Variants in SV2B observed in about 807,000 individuals in gnomAD.
SV2B encodes the protein synaptic vesicle glycoprotein 2B, also known as solute carrier family 22 member B2.
Under a neutral mutation model 73.9 loss-of-function variants are expected in SV2B, and 41 were observed. The observed-to-expected ratio is 0.56, with a 90% CI of 0.43 to 0.72. The LOEUF (loss-of-function observed/expected upper bound fraction) is 0.72. Ranked by LOEUF, SV2B falls within the 30% of genes least tolerant of loss-of-function variation. SV2B has a pLI of 0.00. For missense variants in SV2B, 764 were observed against 857.8 expected, an observed-to-expected ratio of 0.89 and a Z score of 1.37; for synonymous variants, 314 against 314.2, an observed-to-expected ratio of 1.00 and a Z score of 0.01.
intron 1 of SV2B, among the ~76,000 whole-genome samples, chr15:91,152,174 C>T (rs1464541094): frequency 6.6e-6 from 1 of 151,340 alleles, no homozygotes; most frequent in Non-Finnish European, 1.5e-5. Flanking sequence ...GCGGGTTGCC[C>T]AGTTTTTACT....
chr15:91,171,465 C>T (rs1023543005), intron 1 of SV2B, among the ~76,000 whole-genome samples: 2 of 152,142 alleles, frequency 1.3e-5, no homozygotes, highest in South Asian at 2.1e-4. Flanking sequence ...TCTGCTGCTG[C>T]GGTGGCTCTG....
At position 91,260,348 on chromosome 15, in the gene SV2B, T is replaced by C. The variant is rs2047863651; in HGVS notation, c.947T>C (p.Ile316Thr). 6.2e-7 allele frequency: 1 copy of C among 1,613,538 alleles called. No homozygotes were observed. The highest frequency in any genetic ancestry group is 2.2e-5 in the East Asian group (1 of 44,858). ...GGCAAACATGATGAAGCCTGGATGATTCTCAAGCAAGTCCATGACACCAAC... is the reference window on the plus strand; with the variant it reads ...GGCAAACATGATGAAGCCTGGATGACTCTCAAGCAAGTCCATGACACCAAC... ...EMGKHDEAWM[I>T]LKQVHDTNMR... is the part of the protein sequence containing the mutation. The change falls in exon 6 of 13, where the codon ATT becomes ACT. Residue 316 changes from isoleucine to threonine, a missense_variant. Physicochemically the swap from Ile to Thr is moderately conservative, Grantham distance 89. Transcript: ENST00000394232.
chr15:91,233,467 T>C (rs1182792939), intron 2 of SV2B, among the ~76,000 whole-genome samples: 1 of 152,194 alleles, frequency 6.6e-6, no homozygotes, highest in Non-Finnish European at 1.5e-5. Flanking sequence ...TCTCCTGAGA[T>C]TGCTGAAAAC....
intron 6 of SV2B, 82 bp downstream of exon 6, chr15:91,260,491 AAC>A: frequency 8.2e-6 from 9 of 1,104,044 alleles, no homozygotes; most frequent in Non-Finnish European, 1.2e-5. Context: ...TTAAGCACAT[AAC>A]AGGAAATTTG....
chr15:91,212,260 C>G (rs1596595022), intron 1 of SV2B, among the ~76,000 whole-genome samples: 1 of 152,322 alleles, frequency 6.6e-6, no homozygotes, highest in East Asian at 1.9e-4. Context: ...AAAACTTGCT[C>G]TCTTTCTTCC....
rs572887421 is a variant in SV2B at position 91,136,267 on chromosome 15, A to G, written c.-392+35904A>G. ...TACTCAGATGCAGTGTAGCATAGGTATAAACCTCAGATTAGTCGGGAGAGA... is the reference window on the plus strand; with the variant it reads ...TACTCAGATGCAGTGTAGCATAGGTGTAAACCTCAGATTAGTCGGGAGAGA... On this transcript the variant is annotated intron_variant, in intron 1 of 12. Transcript: ENST00000394232. The surrounding 1 kb of genome is among the most constrained non-coding windows in gnomAD (Gnocchi z 5.6). Among the ~76,000 whole-genome samples, 5 of 152,342 alleles carry G rather than the reference A, an allele frequency of 3.3e-5. No individual in the cohort carries two copies. In the South Asian group the frequency reaches 8.3e-4, roughly 25 times the overall value.
intron 1 of SV2B, among the ~76,000 whole-genome samples, chr15:91,109,027 G>A (rs1302231818): frequency 6.6e-6 from 1 of 152,154 alleles, no homozygotes; most frequent in African/African-American, 2.4e-5. Flanking sequence ...TTCACAAAAG[G>A]CAATTGAAAA....
chr15:91,104,404 T>C (rs1459804443), intron 1 of SV2B, among the ~76,000 whole-genome samples: 1 of 152,232 alleles, frequency 6.6e-6, no homozygotes, highest in Non-Finnish European at 1.5e-5. Flanking sequence ...TAAAAGCTTG[T>C]ATGGCCTCTT....
intron 5 of SV2B, among the ~76,000 whole-genome samples, chr15:91,259,973 T>A (rs965634795): frequency 8.5e-5 from 13 of 152,198 alleles, no homozygotes; most frequent in African/African-American, 3.1e-4. Flanking sequence ...ACCTGTAACA[T>A]GTTGCTTCTT....
At position 91,231,780 on chromosome 15, in the gene SV2B, A is replaced by C. The variant is rs2046584228; in HGVS notation, c.451+5066A>C. Among the ~76,000 whole-genome samples the C allele has an allele frequency of 6.6e-6, 1 of 152,082 alleles. No homozygotes were observed. The highest frequency in any genetic ancestry group is 2.1e-4 in the South Asian group (1 of 4,824). The stretch of plus-strand genomic sequence containing the variant: ...AAGGATCCAGTGACTTGTGTATTTT[A>C]TTGGCTGTTAGTTTCTTGCCGTCTG... On this transcript the variant is annotated intron_variant, in intron 2 of 12. Coordinates refer to ENST00000394232, the MANE Select transcript of SV2B (RefSeq NM_001323032.3). This position sits in a 1 kb window ranked among gnomAD's most constrained non-coding sequence, Gnocchi z 4.5.
Position 91,141,781 on chromosome 15 carries a change from A to G in SV2B, c.-392+41418A>G, listed in dbSNP as rs1596469077. 6.6e-6 allele frequency among the ~76,000 whole-genome samples: 1 copy of G among 151,312 alleles called. No individual in the cohort carries two copies. The highest frequency in any genetic ancestry group is 1.9e-4 in the East Asian group (1 of 5,168). ...TGGACAGAGGTCACATTTTGGCAAC[A>G]TCTTTTTCTGCTAATGGATATTACA... On this transcript the variant is annotated intron_variant, in intron 1 of 12. Transcript: ENST00000394232. The surrounding 1 kb of genome is among the most constrained non-coding windows in gnomAD (Gnocchi z 4.6).
At chr15:91,146,240 C>G (rs1335781085) in intron 1 of SV2B, among the ~76,000 whole-genome samples, 1 of 152,144 alleles carries the variant, frequency 6.6e-6, no homozygotes, top group African/African-American at 2.4e-5. Context: ...TGAATCCATT[C>G]CGCATTGCTT....
chr15:91,246,065 CAAAAA>C (rs5814471), intron 2 of SV2B, among the ~76,000 whole-genome samples: 1 of 127,706 alleles, frequency 7.8e-6, no homozygotes. Flanking sequence ...TATGAGTTAG[CAAAAA>C]AAAAAAAAAA....
intron 4 of SV2B, among the ~76,000 whole-genome samples, chr15:91,255,896 C>T (rs541717693): frequency 3.0e-4 from 46 of 152,276 alleles, no homozygotes; most frequent in Non-Finnish European, 6.2e-4. Flanking sequence ...GTGCCTAATG[C>T]ATTAATCTTC....
chr15:91,199,411 G>T (rs1413651481), intron 1 of SV2B, among the ~76,000 whole-genome samples: 1 of 152,194 alleles, frequency 6.6e-6, no homozygotes. Flanking sequence ...TGATAATGGG[G>T]GGACAGGTGG....
intron 1 of SV2B, among the ~76,000 whole-genome samples, chr15:91,194,725 G>C (rs974284443): frequency 1.3e-5 from 2 of 152,224 alleles, no homozygotes; most frequent in Non-Finnish European, 2.9e-5. Flanking sequence ...AACGGAGGTT[G>C]CATCTTTGGG....
chr15:91,243,474 C>G (rs2047103787), intron 2 of SV2B, among the ~76,000 whole-genome samples: 7 of 152,096 alleles, frequency 4.6e-5, no homozygotes, highest in Admixed American at 4.6e-4. Flanking sequence ...GACAGATACC[C>G]CTCTGCCCCA....
intron 11 of SV2B, among the ~76,000 whole-genome samples, chr15:91,285,185 C>T (rs1375573768): frequency 1.3e-5 from 2 of 152,204 alleles, no homozygotes; most frequent in African/African-American, 2.4e-5. Flanking sequence ...GCATTTGGCT[C>T]ATACTGAATA....
At position 91,232,567 on chromosome 15, in the gene SV2B, T is replaced by C. The variant is rs2046619944; in HGVS notation, c.451+5853T>C. On this transcript the variant is annotated intron_variant, in intron 2 of 12. Coordinates refer to ENST00000394232, the MANE Select transcript of SV2B (RefSeq NM_001323032.3). This position sits in a 1 kb window ranked among gnomAD's most constrained non-coding sequence, Gnocchi z 4.7. ...CAGTGATTTTGGTACTGAGAGTGCT[T>C]CTAGAGGAGCGGAATTTTGAGGATG... is the stretch of plus-strand genomic sequence containing the variant. Among the ~76,000 whole-genome samples the C allele has an allele frequency of 6.6e-6, 1 of 152,136 alleles. No individual in the cohort carries two copies. The highest frequency in any genetic ancestry group is 1.5e-5 in the Non-Finnish European group (1 of 68,014).
Sources: allele counts gnomAD v4.1 joint callset (sites outside exome capture counted in the v4.1 genomes callset), GRCh38; gene constraint gnomAD v4.1.1; non-coding constraint Gnocchi (gnomAD v3.1); transcripts MANE v1.5; gene names NCBI Gene and HGNC (gene_info 2026-07-23, HGNC 2026-07-21).